Variants in CAV1 observed in about 807,000 individuals in gnomAD.
CAV1 encodes the protein caveolin-1.
CAV1 carries 10 observed loss-of-function variants against 16.5 expected under a neutral mutation model. The observed-to-expected ratio is 0.61, with a 90% CI of 0.37 to 1.03. The LOEUF (loss-of-function observed/expected upper bound fraction) is 1.03. Ranked by LOEUF, CAV1 falls within the 50% of genes least tolerant of loss-of-function variation. The probability of loss-of-function intolerance (pLI) is 0.01; values close to 1 mark genes in which losing one functional copy is unlikely to be tolerated. For synonymous variants in CAV1, 76 were observed against 85.1 expected, an observed-to-expected ratio of 0.89 and a Z score of 0.59; for missense variants, 212 against 232.8, an observed-to-expected ratio of 0.91 and a Z score of 0.58.
chr7:116,533,058 A>G (rs1247698346), intron 2 of CAV1, among the ~76,000 whole-genome samples: 2 of 152,148 alleles, frequency 1.3e-5, no homozygotes, highest in Non-Finnish European at 2.9e-5. Context: ...ATGCCCCAAA[A>G]AGGCTGGGCG....
intron 2 of CAV1, among the ~76,000 whole-genome samples, chr7:116,548,335 A>ATC (rs1315404217): frequency 6.6e-6 from 1 of 152,238 alleles, no homozygotes; most frequent in Non-Finnish European, 1.5e-5. Context: ...AAGACATGAC[A>ATC]ACACAGTGAG....
At chr7:116,558,062 A>G (rs915961331) in intron 2 of CAV1, among the ~76,000 whole-genome samples, 3 of 152,026 alleles carry the variant, frequency 2.0e-5, no homozygotes, top group African/African-American at 7.2e-5. Flanking sequence ...AAATCAGCCA[A>G]TTGCCCAAGC....
At chr7:116,554,053 T>A (rs1447578132) in intron 2 of CAV1, among the ~76,000 whole-genome samples, 2 of 152,220 alleles carry the variant, frequency 1.3e-5, no homozygotes, top group Non-Finnish European at 2.9e-5. Flanking sequence ...CTTGGTCCAG[T>A]CATCTGACAG....
chr7:116,559,105 T>G lies in CAV1; in HGVS notation c.355T>G (p.Phe119Val). The G allele has an allele frequency of 6.2e-7, 1 of 1,613,978 alleles. No homozygotes were observed. Among genetic ancestry groups the G allele is most frequent in the Non-Finnish European group, 8.5e-7 (1 of 1,179,936 alleles). The change falls in exon 3 of 3, where the codon TTC (phenylalanine) becomes GTC (valine). Residue 119 changes from phenylalanine to valine, a missense_variant. Coordinates refer to ENST00000341049, the MANE Select transcript of CAV1 (RefSeq NM_001753.5). ...GATGGCACTCATCTGGGGCATTTAC[T>G]TCGCCATTCTCTCTTTCCTGCACAT... The part of the protein sequence containing the change: ...IPMALIWGIY[F>V]AILSFLHIWA...
At chr7:116,538,669 T>C (rs1188624459) in intron 2 of CAV1, among the ~76,000 whole-genome samples, 1 of 152,210 alleles carries the variant, frequency 6.6e-6, no homozygotes, top group Non-Finnish European at 1.5e-5. Context: ...GTCATTCTCA[T>C]ATAATGTACT....
At chr7:116,553,925 G>C (rs924316879) in intron 2 of CAV1, among the ~76,000 whole-genome samples, 1 of 152,214 alleles carries the variant, frequency 6.6e-6, no homozygotes, top group African/African-American at 2.4e-5. Flanking sequence ...CAGGTATCCA[G>C]AATGTAGCAG....
At chr7:116,545,786 G>A (rs1396879885) in intron 2 of CAV1, among the ~76,000 whole-genome samples, 1 of 152,202 alleles carries the variant, frequency 6.6e-6, no homozygotes, top group East Asian at 1.9e-4. Context: ...TGATAGAAAA[G>A]AAAGAGCTTT....
chr7:116,555,619 A>AAGGGAGGGAGGG (rs139872813), intron 2 of CAV1, among the ~76,000 whole-genome samples: 7 of 116,646 alleles, frequency 6.0e-5, no homozygotes, highest in Middle Eastern at 4.2e-3. Context: ...AGAAAGAAAG[A>AAGGGAGGGAGGG]AGGGAGGGAG....
At chr7:116,547,113 G>A (rs1373346939) in intron 2 of CAV1, among the ~76,000 whole-genome samples, 1 of 152,114 alleles carries the variant, frequency 6.6e-6, no homozygotes, top group Non-Finnish European at 1.5e-5. Flanking sequence ...CATATTTGAT[G>A]AGGGTTCCAC....
chr7:116,559,614 G>GGAAA lies in CAV1; in HGVS notation c.*327_*328insGAAA. 2 of 387,678 alleles carry GGAAA rather than the reference G, an allele frequency of 5.2e-6. No individual in the cohort carries two copies. The highest frequency in any genetic ancestry group is 1.5e-4 in the South Asian group (2 of 13,772). The allele number at this position is 387,678 out of a possible 1,614,324, so 24.0% of individuals were successfully genotyped here. ...GAGAGAAATATGAAGAACTGAGGAG[G>GGAAA]AAAAAAAAAAAAAAGAAAAGAACCA... On this transcript the variant is annotated 3_prime_UTR_variant, in exon 3 of 3. Coordinates refer to ENST00000341049, the MANE Select transcript of CAV1 (RefSeq NM_001753.5).
chr7:116,557,871 C>A (rs1794322048), intron 2 of CAV1, among the ~76,000 whole-genome samples: 1 of 152,160 alleles, frequency 6.6e-6, no homozygotes, highest in Non-Finnish European at 1.5e-5. Flanking sequence ...TGTGGCTACA[C>A]TCCCCTGCTC....
intron 2 of CAV1, among the ~76,000 whole-genome samples, chr7:116,551,080 ACT>A (rs1021083375): frequency 1.3e-5 from 2 of 152,110 alleles, no homozygotes. Flanking sequence ...AACATGGCAC[ACT>A]CTAGTCTTTT....
rs1367312009 is a variant in CAV1 at position 116,560,676 on chromosome 7, C to T, written c.*1389C>T. The T allele has an allele frequency of 2.0e-5, 3 of 152,588 alleles. No homozygotes were observed. Among genetic ancestry groups the T allele is most frequent in the Non-Finnish European group, 2.9e-5 (2 of 68,026 alleles). 9.5% of individuals were successfully genotyped at this position (152,588 alleles called of 1,614,324 possible). A position where few individuals can be genotyped will look rare whatever the true frequency, so the allele number is the denominator to read the frequency against. Reference sequence around the variant, plus strand: ...CGTACAGAAAGCTGCCTGGTATATCCAAAAGCTTTTTATTCCTCCTGCTCA... The same window carrying T: ...CGTACAGAAAGCTGCCTGGTATATCTAAAAGCTTTTTATTCCTCCTGCTCA... On this transcript the variant is annotated 3_prime_UTR_variant, in exon 3 of 3. Coordinates refer to ENST00000341049, the MANE Select transcript of CAV1 (RefSeq NM_001753.5).
chr7:116,530,633 G>A (rs1237506262), intron 2 of CAV1, among the ~76,000 whole-genome samples: 4 of 152,152 alleles, frequency 2.6e-5, no homozygotes, highest in Non-Finnish European at 4.4e-5. Flanking sequence ...CAAAAGCACA[G>A]GAAGGCATTC....
chr7:116,550,933 T>G (rs1254842264), intron 2 of CAV1, among the ~76,000 whole-genome samples: 1 of 152,166 alleles, frequency 6.6e-6, no homozygotes, highest in African/African-American at 2.4e-5. Flanking sequence ...GTAGCTCCAC[T>G]CATTTATCCA....
chr7:116,549,634 TAATA>T (rs1794118899), intron 2 of CAV1, among the ~76,000 whole-genome samples: 1 of 152,118 alleles, frequency 6.6e-6, no homozygotes, highest in Non-Finnish European at 1.5e-5. Context: ...ATGCTAAAAA[TAATA>T]AATATATATG....
At chr7:116,557,165 A>G (rs1794308758) in intron 2 of CAV1, among the ~76,000 whole-genome samples, 1 of 152,240 alleles carries the variant, frequency 6.6e-6, no homozygotes, top group South Asian at 2.1e-4. Context: ...ACATCTACTT[A>G]AGCTCACTTA....
intron 2 of CAV1, among the ~76,000 whole-genome samples, chr7:116,550,952 C>T (rs909199033): frequency 2.3e-4 from 35 of 152,166 alleles, no homozygotes; most frequent in Non-Finnish European, 7.3e-5. Flanking sequence ...CACCAGTGTC[C>T]AGATGCCATC....
chr7:116,531,827 T>G (rs1793691573), intron 2 of CAV1, among the ~76,000 whole-genome samples: 1 of 152,222 alleles, frequency 6.6e-6, no homozygotes, highest in Admixed American at 6.5e-5. Context: ...ATTGATATTC[T>G]ACCATGTATG....
Sources: gnomAD v4.1 joint callset for allele counts (sites outside exome capture counted in the v4.1 genomes callset) on GRCh38, gnomAD v4.1.1 for gene constraint, MANE v1.5 for transcripts, NCBI Gene and HGNC (gene_info 2026-07-23, HGNC 2026-07-21) for gene names.